Variants in PCLO observed in about 807,000 individuals in gnomAD.
PCLO encodes protein piccolo.
In PCLO, 82 loss-of-function variants were observed where a neutral mutation model predicts 427.5. That is an observed-to-expected ratio of 0.19 (90% confidence interval 0.16 to 0.23). PCLO has a LOEUF of 0.23. Among genes scored for constraint, PCLO ranks in the 10% least tolerant of loss-of-function variants. The pLI, the probability that PCLO is intolerant of heterozygous loss-of-function variation, is 1.00. For missense variants in PCLO, 6,239 were observed against 6,115.9 expected (o/e 1.02, Z -0.67); for synonymous variants, 2,357 against 2,155.4 (o/e 1.09, Z -2.59).
chr7:82,977,579 A>AT (rs1369811231), intron 3 of PCLO, among the ~76,000 whole-genome samples: 1 of 151,434 alleles, frequency 6.6e-6, no homozygotes, highest in African/African-American at 2.4e-5. Context: ...CACCCAGCTA[A>AT]TTTTTTGTAT....
At chr7:82,943,711 G>C (rs1172358741) in intron 6 of PCLO, among the ~76,000 whole-genome samples, 1 of 151,940 alleles carries the variant, frequency 6.6e-6, no homozygotes, top group Non-Finnish European at 1.5e-5. Context: ...TGTAAGGAAG[G>C]CATTTTGGAG....
chr7:83,022,617 G>A (rs570669242), intron 3 of PCLO, among the ~76,000 whole-genome samples: 23 of 152,278 alleles, frequency 1.5e-4, no homozygotes, highest in Non-Finnish European at 2.2e-4. Context: ...TGGGTTGAAT[G>A]AATGAAACAA....
intron 2 of PCLO, among the ~76,000 whole-genome samples, chr7:83,146,920 G>T (rs571108517): frequency 1.3e-5 from 2 of 151,836 alleles, no homozygotes; most frequent in African/African-American, 4.8e-5. Context: ...TGATCTTAAC[G>T]GTGGGTATCT....
chr7:82,976,665 T>G (rs1237484941), intron 3 of PCLO, among the ~76,000 whole-genome samples: 2 of 152,140 alleles, frequency 1.3e-5, no homozygotes, highest in African/African-American at 4.8e-5. Flanking sequence ...AAATAAGAAC[T>G]GTTTCAATCA....
chr7:82,775,554 G>GT (rs1320315398), intron 22 of PCLO, among the ~76,000 whole-genome samples: 1 of 152,098 alleles, frequency 6.6e-6, no homozygotes, highest in Non-Finnish European at 1.5e-5. Context: ...GTCTGTTAAG[G>GT]TCTTTGGCTC....
intron 21 of PCLO, 86 bp downstream of exon 21, chr7:82,805,602 T>C (rs1791440778): frequency 7.8e-7 from 1 of 1,290,210 alleles, no homozygotes; most frequent in Non-Finnish European, 1.1e-6. Context: ...ATTGGGTAAT[T>C]ATCCAGTTAT....
At chr7:82,784,730 G>T (rs1260497358) in intron 22 of PCLO, among the ~76,000 whole-genome samples, 2 of 152,154 alleles carry the variant, frequency 1.3e-5, no homozygotes, top group Non-Finnish European at 2.9e-5. Context: ...CTGTGAGAAT[G>T]TCTAGTTTGG....
intron 3 of PCLO, among the ~76,000 whole-genome samples, chr7:83,025,356 A>T (rs1454261274): frequency 6.6e-6 from 1 of 150,926 alleles, no homozygotes; most frequent in Non-Finnish European, 1.5e-5. Context: ...GGGTATCAGC[A>T]ATGGAAGATG....
chr7:83,154,858 T>C lies in PCLO; in HGVS notation c.1783A>G (p.Thr595Ala), dbSNP rs2116685067. ...PKTICPLCNT[T>A]ELLLHVPEKA... ...TCTGGAACATGCAACAGAAGTTCAG[T>C]GGTATTGCAAAGAGGACAGATGGTT... The change falls in exon 2 of 25, where the codon ACT (threonine) becomes GCT (alanine). Residue 595 changes from threonine (T) to alanine (A), a missense_variant. Coordinates refer to ENST00000333891, the MANE Select transcript of PCLO (RefSeq NM_033026.6). The C allele has an allele frequency of 6.2e-7, 1 of 1,613,866 alleles. No individual in the cohort carries two copies. The highest frequency in any genetic ancestry group is 2.2e-5 in the East Asian group (1 of 44,878).
chr7:83,052,695 C>G (rs1372359046), intron 3 of PCLO, among the ~76,000 whole-genome samples: 1 of 151,886 alleles, frequency 6.6e-6, no homozygotes, highest in Non-Finnish European at 1.5e-5. Context: ...GTGCCTCTAC[C>G]TCGTTGGTTG....
At position 83,122,115 on chromosome 7, in the gene PCLO, T is replaced by C. The variant is rs145913305; in HGVS notation, c.3300+12135A>G. On this transcript the variant is annotated intron_variant, in intron 3 of 24. Transcript: ENST00000333891. ...ATTTGATAAAATTCAAGATACCTCA[T>C]GACAAAAACCATTGCAAAACTGGGG... 1.0e-3 allele frequency among the ~76,000 whole-genome samples: 154 copies of C among 151,998 alleles called. 1 individual carries two copies. The highest frequency in any genetic ancestry group is 3.6e-3 in the African/African-American group (149 of 41,456).
Position 82,822,663 on chromosome 7 carries a change from A to T in PCLO, c.14623T>A (p.Ser4875Thr). 3.1e-6 allele frequency: 5 copies of T among 1,613,626 alleles called. No individual in the cohort carries two copies. Among genetic ancestry groups the T allele is most frequent in the Non-Finnish European group, 3.4e-6 (4 of 1,179,770 alleles). ...KDMQVPTIEK[S>T]HSSPGSSKSS... ...TTTGAGCTACCAGGACTACTATGGG[A>T]TTTCTCAATGGTGGGAACCTGCATG... Residue 4875 changes from serine to threonine, a missense_variant, in exon 20 of 25, where the codon TCC becomes ACC. By Grantham distance (58) the Ser-to-Thr change is moderately conservative (BLOSUM62 1). Transcript: ENST00000333891.
At chr7:83,058,907 A>G (rs1397275072) in intron 3 of PCLO, among the ~76,000 whole-genome samples, 1 of 152,108 alleles carries the variant, frequency 6.6e-6, no homozygotes, top group East Asian at 1.9e-4. Flanking sequence ...CAATGACAAT[A>G]TTCATTTGAG....
chr7:83,073,037 C>T (rs1345746302), intron 3 of PCLO, among the ~76,000 whole-genome samples: 1 of 151,928 alleles, frequency 6.6e-6, no homozygotes, highest in Non-Finnish European at 1.5e-5. Context: ...TCATCTCCAC[C>T]ATGCTATTTC....
chr7:82,827,838 C>T, intron 17 of PCLO, 35 bp downstream of exon 17: 1 of 1,147,864 alleles, frequency 8.7e-7, no homozygotes. Context: ...CTTATATTAG[C>T]CTAATTCTGT....
At chr7:82,764,071 T>G (rs1790483700) in intron 22 of PCLO, among the ~76,000 whole-genome samples, 1 of 151,934 alleles carries the variant, frequency 6.6e-6, no homozygotes, top group South Asian at 2.1e-4. Context: ...GAGCAGTACA[T>G]AGGTTGGTGG....
At chr7:82,857,819 T>C (rs927316126) in intron 10 of PCLO, among the ~76,000 whole-genome samples, 5 of 152,170 alleles carry the variant, frequency 3.3e-5, no homozygotes, top group African/African-American at 1.2e-4. Context: ...ATGTTTCTTT[T>C]GACAAAGGAG....
At chr7:82,842,295 A>T (rs748039626) in intron 13 of PCLO, among the ~76,000 whole-genome samples, 1 of 152,140 alleles carries the variant, frequency 6.6e-6, no homozygotes, top group Non-Finnish European at 1.5e-5. Context: ...TGGGCAAAGG[A>T]TAGTCTCTCT....
At chr7:82,814,308 A>G (rs1008080562) in intron 20 of PCLO, among the ~76,000 whole-genome samples, 2 of 151,638 alleles carry the variant, frequency 1.3e-5, no homozygotes, top group Non-Finnish European at 3.0e-5. Context: ...CTGAAATGCA[A>G]TAGAAGAGAT....
Sources: allele counts gnomAD v4.1 joint callset (sites outside exome capture counted in the v4.1 genomes callset), GRCh38; gene constraint gnomAD v4.1.1; transcripts MANE v1.5; gene names NCBI Gene and HGNC (gene_info 2026-07-23, HGNC 2026-07-21).